ZNF43: variants seen among roughly 807,000 people sequenced by gnomAD.
The protein encoded by ZNF43 is zinc finger protein 39-like 1 (KOX 27).
Under a neutral mutation model 68.4 loss-of-function variants are expected in ZNF43, and 44 were observed. The observed-to-expected ratio is 0.64, with a 90% confidence interval of 0.51 to 0.83. The LOEUF (loss-of-function observed/expected upper bound fraction) is 0.83, where lower values mean the gene tolerates loss of function less well. Ranked by LOEUF, ZNF43 falls within the 40% of genes least tolerant of loss-of-function variation. The probability of loss-of-function intolerance (pLI) is 0.00; values close to 1 mark genes in which losing one functional copy is unlikely to be tolerated. For missense variants in ZNF43, 896 were observed against 933.2 expected, an observed-to-expected ratio of 0.96 and a Z score of 0.52; for synonymous variants, 308 against 307.8, an observed-to-expected ratio of 1.00 and a Z score of -0.01.
intron 1 of ZNF43, among the ~76,000 whole-genome samples, chr19:21,829,725 C>A (rs1043697147): frequency 3.3e-5 from 5 of 151,986 alleles, no homozygotes; most frequent in African/African-American, 9.7e-5. Context: ...ATAATAAAGC[C>A]TCTGATTTAT....
intron 3 of ZNF43, among the ~76,000 whole-genome samples, chr19:21,817,402 C>A (rs1003618629): frequency 7.2e-5 from 11 of 151,982 alleles, no homozygotes; most frequent in African/African-American, 2.4e-4. Flanking sequence ...AAAGAAACAT[C>A]ATAATTCATA....
chr19:21,832,327 C>T (rs565766829), intron 1 of ZNF43, among the ~76,000 whole-genome samples: 56 of 152,166 alleles, frequency 3.7e-4, no homozygotes, highest in South Asian at 1.2e-3. Context: ...GCTAATACTA[C>T]GTAGAAAACT....
intron 1 of ZNF43, among the ~76,000 whole-genome samples, chr19:21,849,487 T>G (rs1461614043): frequency 5.7e-5 from 1 of 17,476 alleles, no homozygotes; most frequent in Non-Finnish European, 1.0e-4. Context: ...AAACCCTGCC[T>G]CAAAAAAAAA....
rs1310761266 is a variant in ZNF43 at position 21,844,921 on chromosome 19, A to AAAAAAAAAT, written c.30+6983_30+6984insATTTTTTTT. ...CAAAAAAAAAAAAAAAAAAAAAAAA[A>AAAAAAAAAT]ATATATATATATATATATATATATA... On this transcript the variant is annotated intron_variant, in intron 1 of 3. Coordinates refer to the ZNF43 transcript ENST00000357491. 8.1e-4 allele frequency among the ~76,000 whole-genome samples: 21 copies of AAAAAAAAAT among 26,050 alleles called. 2 individuals carry two copies. Among genetic ancestry groups the AAAAAAAAAT allele is most frequent in the African/African-American group, 4.1e-3 (19 of 4,600 alleles). The allele number at this position is 26,050 out of a possible 152,430, so 17.1% of individuals were successfully genotyped here. A position where few individuals can be genotyped will look rare whatever the true frequency, so the allele number is the denominator to read the frequency against.
At chr19:21,817,403 A>G (rs79332858) in intron 3 of ZNF43, among the ~76,000 whole-genome samples, 1 of 152,222 alleles carries the variant, frequency 6.6e-6, no homozygotes, top group East Asian at 1.9e-4. Context: ...AAGAAACATC[A>G]TAATTCATAA....
rs768755727 is a variant in ZNF43, at chr19:21,809,273, T to C, written c.764A>G (p.Tyr255Cys). Residue 255 changes from tyrosine to cysteine, a missense_variant, in exon 4 of 4, where the codon TAC (tyrosine) becomes TGC (cysteine). Tyr to Cys is a radical substitution (Grantham distance 194). Coordinates refer to ENST00000354959, the MANE Select transcript of ZNF43 (RefSeq NM_003423.4). ...ACATTCTTCACATTTGTAGAGTTTG[T>C]ATCTAGTATAATTTTTTTTATGTGT... ...LTTHKKNYTR[Y>C]KLYKCEECGK... 2 of 1,613,690 alleles carry C rather than the reference T, an allele frequency of 1.2e-6. No individual in the cohort carries two copies. Among genetic ancestry groups the C allele is most frequent in the South Asian group, 2.2e-5 (2 of 91,058 alleles).
intron 1 of ZNF43, among the ~76,000 whole-genome samples, chr19:21,849,103 G>A (rs1479927658): frequency 6.6e-6 from 1 of 152,150 alleles, no homozygotes; most frequent in Non-Finnish European, 1.5e-5. Context: ...AACGGTTGGT[G>A]GGGTGGGCAA....
chr19:21,836,274 C>G (rs1168476063), upstream of ZNF43: 1 of 1,338,124 alleles, frequency 7.5e-7, no homozygotes, highest in Admixed American at 3.1e-5. Flanking sequence ...GATTGGATAA[C>G]TTCTAAGGTC....
Position 21,805,767 on chromosome 19 carries a change from T to A in ZNF43, c.*1840A>T, listed in dbSNP as rs2036911055. ...ATTTAACCTATAGAAAAATATTCTT[T>A]AACTTATTTGCAGTTGAAAGCCACT... On this transcript the variant is annotated 3_prime_UTR_variant, in exon 4 of 4. Transcript: ENST00000354959. 4 of 152,216 alleles carry A rather than the reference T, an allele frequency of 2.6e-5. No homozygotes were observed. The South Asian group carries it at 8.3e-4, about 31-fold the overall frequency. The allele number at this position is 152,216 out of a possible 1,614,324, so 9.4% of individuals were successfully genotyped here. A position where few individuals can be genotyped will look rare whatever the true frequency, so the allele number is the denominator to read the frequency against.
At chr19:21,839,331 CAAAAAA>C (rs61335194), upstream of ZNF43, among the ~76,000 whole-genome samples, 74 of 28,298 alleles carry the variant, frequency 2.6e-3, no homozygotes, top group African/African-American at 7.2e-3. Context: ...AGAGATCAGG[CAAAAAA>C]AAAAAAAAAA....
rs554331072 is a variant in ZNF43 at position 21,807,494 on chromosome 19, A to C, written c.*113T>G. 2.8e-6 allele frequency: 3 copies of C among 1,074,102 alleles called. No individual in the cohort carries two copies. In the African/African-American group the frequency reaches 4.8e-5, roughly 17 times the overall value. 66.5% of individuals were successfully genotyped at this position (1,074,102 alleles called of 1,614,324 possible). On this transcript the variant is annotated 3_prime_UTR_variant, in exon 4 of 4. Transcript: ENST00000354959. ...AATTAAAAGTTTTGCCACATTCTTC[A>C]CACTTGTAGAAGTTTACTCCAATGT...
At chr19:21,819,854 G>C (rs912933136) in intron 1 of ZNF43, among the ~76,000 whole-genome samples, 3 of 152,030 alleles carry the variant, frequency 2.0e-5, no homozygotes, top group African/African-American at 4.8e-5. Flanking sequence ...AGAAAGAAGA[G>C]CAGCTGCCAG....
Position 21,817,993 on chromosome 19 carries a change from CA to C in ZNF43, c.131-8del. The stretch of plus-strand genomic sequence containing the variant: ...GGCTTAGAGACAGCAATACCTGTTT[CA>C]ATAAAAAATAAATTACGTGAATCTT... On this transcript the variant is annotated splice_polypyrimidine_tract_variant and splice_region_variant and intron_variant, in intron 2 of 3. Coordinates refer to ENST00000354959, the MANE Select transcript of ZNF43 (RefSeq NM_003423.4). 6.2e-7 allele frequency: 1 copy of C among 1,608,522 alleles called. No homozygotes were observed. Among genetic ancestry groups the C allele is most frequent in the African/African-American group, 1.3e-5 (1 of 74,740 alleles).
In ZNF43 at chr19:21,805,751, A is replaced by G. The variant is rs1488759929; in HGVS notation, c.*1856T>C. The G allele has an allele frequency of 1.3e-5, 2 of 152,220 alleles. No homozygotes were observed. Among genetic ancestry groups the G allele is most frequent in the East Asian group, 3.8e-4 (2 of 5,200 alleles). 9.4% of individuals were successfully genotyped at this position (152,220 alleles called of 1,614,324 possible). ...TAAGACAAAAAAGAATATTTAACCT[A>G]TAGAAAAATATTCTTTAACTTATTT... On this transcript the variant is annotated 3_prime_UTR_variant, in exon 4 of 4. Coordinates refer to ENST00000354959, the MANE Select transcript of ZNF43 (RefSeq NM_003423.4).
chr19:21,830,760 A>G (rs192347908), intron 1 of ZNF43, among the ~76,000 whole-genome samples: 1 of 152,074 alleles, frequency 6.6e-6, no homozygotes, highest in Admixed American at 6.6e-5. Context: ...CTCATTACAT[A>G]ATAGCATTAT....
chr19:21,841,250 T>G (rs899514641), intron 1 of ZNF43: 25 of 152,204 alleles, frequency 1.6e-4, no homozygotes, highest in African/African-American at 5.8e-4. Flanking sequence ...TGGGCTAAAG[T>G]GTATGTCACA....
At chr19:21,813,392 A>G (rs1460765411) in intron 3 of ZNF43, among the ~76,000 whole-genome samples, 1 of 152,192 alleles carries the variant, frequency 6.6e-6, no homozygotes, top group African/African-American at 2.4e-5. Flanking sequence ...ATCAGTATGC[A>G]CAAAAGCCAA....
chr19:21,840,804 T>C (rs1967472560), upstream of ZNF43: 1 of 152,188 alleles, frequency 6.6e-6, no homozygotes, highest in Non-Finnish European at 1.5e-5. Context: ...TCTGAGACTT[T>C]TTTTTCTAAT....
At chr19:21,814,287 C>A (rs1041620931) in intron 3 of ZNF43, among the ~76,000 whole-genome samples, 1 of 151,856 alleles carries the variant, frequency 6.6e-6, no homozygotes. Flanking sequence ...GACAAAACAA[C>A]CATTAAAAAT....
Sources: gnomAD v4.1 joint callset for allele counts (sites outside exome capture counted in the v4.1 genomes callset) on GRCh38, gnomAD v4.1.1 for gene constraint, MANE v1.5 for transcripts, NCBI Gene and HGNC (gene_info 2026-07-23, HGNC 2026-07-21) for gene names.